Variants in ZNF143 observed in about 807,000 individuals in gnomAD.
ZNF143 encodes SPH-binding factor.
A neutral mutation model predicts 74.1 loss-of-function variants in ZNF143; 49 were observed. The ratio of observed to expected loss-of-function variants is 0.66; its 90% CI spans 0.53 to 0.84. The LOEUF is 0.84. ZNF143 is among the 40% of genes least tolerant of loss of function. ZNF143 has a pLI of 0.00. For synonymous variants in ZNF143, 304 were observed against 282.8 expected, an observed-to-expected ratio of 1.07 and a Z score of -0.75; for missense variants, 637 against 793.4, an observed-to-expected ratio of 0.80 and a Z score of 2.37.
rs756106726 is a variant in ZNF143 at position 9,501,125 on chromosome 11, C to T, written c.1002C>T (p.Cys334=). 1.4e-5 allele frequency: 23 copies of T among 1,614,020 alleles called. No homozygotes were observed. Among genetic ancestry groups the T allele is most frequent in the Middle Eastern group, 1.6e-4 (1 of 6,084 alleles). The change falls in exon 11 of 16, where the codon TGC becomes TGT. Residue 334 remains cysteine (C), a synonymous_variant. Coordinates refer to ENST00000396602, the MANE Select transcript of ZNF143 (RefSeq NM_003442.6). ...ERPFKCPFEG[C]GRSFTTSNIR... The stretch of plus-strand genomic sequence containing the variant: ...CCTTTAAGTGTCCCTTCGAAGGCTG[C>T]GGTCGGTCCTTTACAACATCAAATA...
intron 7 of ZNF143, among the ~76,000 whole-genome samples, chr11:9,491,022 T>A (rs1340804185): frequency 6.6e-6 from 1 of 152,234 alleles, no homozygotes; most frequent in Non-Finnish European, 1.5e-5. Context: ...CATGAACCAC[T>A]GCACTTGGCC....
chr11:9,485,272 TA>T (rs956127809), intron 7 of ZNF143, among the ~76,000 whole-genome samples: 1 of 149,532 alleles, frequency 6.7e-6, no homozygotes, highest in Non-Finnish European at 1.5e-5. Flanking sequence ...TTAGTAAAAA[TA>T]AAAAGTGAGG....
chr11:9,478,612 T>A, intron 6 of ZNF143, 26 bp downstream of exon 6: 2 of 1,586,474 alleles, frequency 1.3e-6, no homozygotes, highest in Non-Finnish European at 1.7e-6. Context: ...ATGTCAAGAA[T>A]GTTGCAGATA....
chr11:9,470,762 C>G (rs1856518957), intron 1 of ZNF143, among the ~76,000 whole-genome samples: 1 of 152,078 alleles, frequency 6.6e-6, no homozygotes, highest in Non-Finnish European at 1.5e-5. Context: ...GCTAACTTTT[C>G]CCTTCAAAGG....
At chr11:9,462,380 G>T (rs1463089562) in intron 1 of ZNF143, among the ~76,000 whole-genome samples, 2 of 151,950 alleles carry the variant, frequency 1.3e-5, no homozygotes. Context: ...GCAGCATAGG[G>T]AGACGGCCCT....
At chr11:9,490,059 C>T (rs1847711182) in intron 7 of ZNF143, among the ~76,000 whole-genome samples, 1 of 151,908 alleles carries the variant, frequency 6.6e-6, no homozygotes, top group Non-Finnish European at 1.5e-5. Flanking sequence ...TGGTACTCAC[C>T]TGTTGTCCTA....
chr11:9,512,630 C>G (rs753917300), intron 13 of ZNF143, 34 bp downstream of exon 13: 3 of 1,608,926 alleles, frequency 1.9e-6, no homozygotes, highest in Middle Eastern at 1.7e-4. Context: ...CAAATTAAAT[C>G]TTTCTGTGAA....
chr11:9,504,098 T>A (rs1848267873), intron 11 of ZNF143, among the ~76,000 whole-genome samples: 1 of 145,656 alleles, frequency 6.9e-6, no homozygotes, highest in Non-Finnish European at 1.5e-5. Context: ...GTAGCTGGGA[T>A]TACAGACACC....
chr11:9,503,240 AC>A (rs1327850165), intron 11 of ZNF143, among the ~76,000 whole-genome samples: 5 of 131,518 alleles, frequency 3.8e-5, no homozygotes, highest in Non-Finnish European at 5.5e-5. Context: ...TTGTTTATTC[AC>A]CAGTTGTTTT....
At chr11:9,484,524 C>T (rs2133959475) in intron 7 of ZNF143, among the ~76,000 whole-genome samples, 1 of 149,616 alleles carries the variant, frequency 6.7e-6, no homozygotes, top group East Asian at 2.0e-4. Flanking sequence ...CTGAACCTTG[C>T]TTTTCTAAGT....
At chr11:9,526,812 C>T (rs1224822343) in intron 15 of ZNF143, among the ~76,000 whole-genome samples, 5 of 152,042 alleles carry the variant, frequency 3.3e-5, no homozygotes, top group Non-Finnish European at 5.9e-5. Flanking sequence ...TACAGGTGCA[C>T]GCTGCCATGC....
chr11:9,527,164 G>A (rs73406301), intron 15 of ZNF143, among the ~76,000 whole-genome samples: 2,670 of 152,136 alleles, frequency 0.018, 66 homozygotes, highest in African/African-American at 0.059. Flanking sequence ...GAGATGGGGC[G>A]TTTTGCCATG....
At chr11:9,490,294 C>CTTTTTTTTTTTTTTTTTTTTTTTTTTT (rs56672880) in intron 7 of ZNF143, among the ~76,000 whole-genome samples, 1 of 94,014 alleles carries the variant, frequency 1.1e-5, no homozygotes, top group Non-Finnish European at 2.0e-5. Flanking sequence ...TTTTTTTTTG[C>CTTTTTTTTTTTTTTTTTTTTTTTTTTT]TTTTTTTTTT....
chr11:9,470,895 G>T (rs1392501524), intron 1 of ZNF143, among the ~76,000 whole-genome samples: 1 of 152,068 alleles, frequency 6.6e-6, no homozygotes, highest in East Asian at 1.9e-4. Flanking sequence ...GGGAAGTACT[G>T]GTGAAGGTTG....
chr11:9,493,527 G>A (rs1847856865), intron 7 of ZNF143, among the ~76,000 whole-genome samples: 1 of 152,016 alleles, frequency 6.6e-6, no homozygotes, highest in Non-Finnish European at 1.5e-5. Context: ...TTTTTTAGTT[G>A]ATTTATATTA....
At chr11:9,507,989 A>G (rs1317922487) in intron 11 of ZNF143, among the ~76,000 whole-genome samples, 1 of 152,206 alleles carries the variant, frequency 6.6e-6, no homozygotes, top group Non-Finnish European at 1.5e-5. Flanking sequence ...TGTAGTAAAA[A>G]GTTCTAAAAA....
intron 10 of ZNF143, among the ~76,000 whole-genome samples, chr11:9,499,666 G>A (rs1419255833): frequency 6.6e-6 from 1 of 152,150 alleles, no homozygotes; most frequent in Non-Finnish European, 1.5e-5. Flanking sequence ...CATCGTGCCT[G>A]TGAAGAGCCA....
intron 10 of ZNF143, among the ~76,000 whole-genome samples, chr11:9,500,321 A>G (rs538225473): frequency 7.2e-6 from 1 of 139,538 alleles, no homozygotes; most frequent in Non-Finnish European, 1.6e-5. Flanking sequence ...TGTGCTAGGC[A>G]CTAGATTTTC....
At chr11:9,500,501 T>C (rs995572672) in intron 10 of ZNF143, among the ~76,000 whole-genome samples, 18 of 151,922 alleles carry the variant, frequency 1.2e-4, no homozygotes, top group African/African-American at 4.1e-4. Flanking sequence ...CGGTGTAATC[T>C]CGGCTCACTG....
Sources: allele counts gnomAD v4.1 joint callset (sites outside exome capture counted in the v4.1 genomes callset), GRCh38; gene constraint gnomAD v4.1.1; transcripts MANE v1.5; gene names NCBI Gene and HGNC (gene_info 2026-07-23, HGNC 2026-07-21).